Variants in POGZ observed in about 807,000 individuals in gnomAD.
The protein encoded by POGZ is pogo transposable element with ZNF domain.
A neutral mutation model predicts 134.6 loss-of-function variants in POGZ; 17 were observed. The ratio of observed to expected loss-of-function variants is 0.13; its 90% confidence interval spans 0.09 to 0.19. The LOEUF (loss-of-function observed/expected upper bound fraction) is 0.19. Among genes scored for constraint, POGZ ranks in the 10% least tolerant of loss-of-function variants. POGZ has a pLI of 1.00. For synonymous variants in POGZ, 693 were observed against 657.1 expected (o/e 1.05, Z -0.84); for missense variants, 1,306 against 1,769.7 (o/e 0.74, Z 4.70).
intron 1 of POGZ, among the ~76,000 whole-genome samples, chr1:151,446,895 G>T (rs978899689): frequency 1.3e-5 from 2 of 151,356 alleles, no homozygotes; most frequent in African/African-American, 4.9e-5. Context: ...TAATTTTAAT[G>T]ATACAAATTT....
chr1:151,411,863 A>T (rs531967015), intron 11 of POGZ, 92 bp from the exon 12 acceptor site: 14 of 638,940 alleles, frequency 2.2e-5, no homozygotes, highest in South Asian at 2.0e-4. Flanking sequence ...TTTTTAAATT[A>T]AAAAAAAAAA....
In POGZ at chr1:151,404,967, T is replaced by C. The variant is rs150896140; in HGVS notation, c.4068A>G (p.Gln1356=). ...CAGAATGTTCCCCACTCAGCTTCAGTTGCTCCTCTAGGGAGGCAATTAGCT... is the reference window on the plus strand; with the variant it reads ...CAGAATGTTCCCCACTCAGCTTCAGCTGCTCCTCTAGGGAGGCAATTAGCT... ...QEELIASLEE[Q]LKLSGEHSES... is the part of the protein sequence containing the mutation. Residue 1356 remains glutamine (Q), a synonymous_variant, in exon 19 of 19, where the codon CAA becomes CAG. Coordinates refer to ENST00000271715, the MANE Select transcript of POGZ (RefSeq NM_015100.4). 1.5e-5 allele frequency: 25 copies of C among 1,614,072 alleles called. No individual in the cohort carries two copies. In the African/African-American group the frequency reaches 2.7e-4, roughly 17 times the overall value.
Position 151,406,265 on chromosome 1 carries a change from G to T in POGZ, c.2770C>A (p.Pro924Thr). The change falls in exon 19 of 19, where the codon CCG becomes ACG. Residue 924 changes from proline (P) to threonine (T), a missense_variant. Transcript: ENST00000271715. Reference protein sequence around the residue: ...TATPPPTPTHPQALALPPLAT... With the variant: ...TATPPPTPTHTQALALPPLAT... ...AGCGGTGGAAGGGCTAAAGCCTGCGGGTGAGTGGGGGTTGGTGGTGGGGTT... is the reference window on the plus strand; with the variant it reads ...AGCGGTGGAAGGGCTAAAGCCTGCGTGTGAGTGGGGGTTGGTGGTGGGGTT... 6.2e-7 allele frequency: 1 copy of T among 1,613,210 alleles called. No homozygotes were observed. The highest frequency in any genetic ancestry group is 8.5e-7 in the Non-Finnish European group (1 of 1,179,372).
chr1:151,428,078 C>T (rs759348617), intron 6 of POGZ, 37 bp from the exon 7 acceptor site: 3 of 1,613,322 alleles, frequency 1.9e-6, no homozygotes, highest in Non-Finnish European at 2.5e-6. Flanking sequence ...GTTCTCCACC[C>T]ACCATCCCAA....
In POGZ at chr1:151,405,721, A is replaced by C. The variant is rs1248263025; in HGVS notation, c.3314T>G (p.Ile1105Ser). 1 of 1,614,188 alleles carries C rather than the reference A, an allele frequency of 6.2e-7. No homozygotes were observed. The highest frequency in any genetic ancestry group is 1.3e-5 in the African/African-American group (1 of 75,052). ...KDVAENAGLF[I>S]DFVQRQIHNQ... ...GTGAATCTGCCGTTGTACAAAATCAATGAAGAGTCCTGCATTCTCTGCTAC... is the reference window on the plus strand; with the variant it reads ...GTGAATCTGCCGTTGTACAAAATCACTGAAGAGTCCTGCATTCTCTGCTAC... Residue 1105 changes from isoleucine to serine, a missense_variant, in exon 19 of 19, where the codon ATT (isoleucine) becomes AGT (serine). Physicochemically the swap from Ile to Ser is moderately radical, Grantham distance 142. Around this residue, in one of 10 missense-constraint regions of POGZ, gnomAD observed 161 missense variants for 185.4 expected, o/e 0.87. Coordinates refer to ENST00000271715, the MANE Select transcript of POGZ (RefSeq NM_015100.4). This position sits in a 1 kb window ranked among gnomAD's most constrained non-coding sequence, Gnocchi z 4.9.
chr1:151,432,817 TATA>T (rs1297187466), intron 3 of POGZ, among the ~76,000 whole-genome samples: 4 of 152,182 alleles, frequency 2.6e-5, no homozygotes, highest in African/African-American at 7.2e-5. Context: ...TCCTGAACAT[TATA>T]ATAATTATTC....
chr1:151,416,894 A>G (rs912751615), intron 10 of POGZ, among the ~76,000 whole-genome samples: 10 of 152,138 alleles, frequency 6.6e-5, no homozygotes, highest in Non-Finnish European at 1.3e-4. Context: ...GGCCTCCCAA[A>G]GTGCTAGGAT....
intron 3 of POGZ, among the ~76,000 whole-genome samples, chr1:151,435,427 T>G (rs1389640540): frequency 6.6e-6 from 1 of 152,132 alleles, no homozygotes; most frequent in African/African-American, 2.4e-5. Flanking sequence ...TTTAAAATAC[T>G]GAGTAGTAAA....
In POGZ at chr1:151,404,691, TA is replaced by T. The variant is rs1410840151; in HGVS notation, c.*110del. ...TCAGGGGGGAGTGGTGGTATAAAAT[TA>T]AAAAATAGAAACCAAATACCCCACC... On this transcript the variant is annotated 3_prime_UTR_variant, in exon 19 of 19. Transcript: ENST00000271715. The T allele has an allele frequency of 2.3e-5, 33 of 1,429,546 alleles. No individual in the cohort carries two copies. The highest frequency in any genetic ancestry group is 2.9e-5 in the Non-Finnish European group (32 of 1,094,378). 88.6% of individuals were successfully genotyped at this position (1,429,546 alleles called of 1,614,324 possible).
intron 2 of POGZ, among the ~76,000 whole-genome samples, chr1:151,441,651 G>A (rs951194484): frequency 6.6e-6 from 1 of 152,098 alleles, no homozygotes; most frequent in Admixed American, 6.6e-5. Context: ...CATGAAGGCA[G>A]ACACAAGGCA....
intron 15 of POGZ, 151 bp from the exon 16 acceptor site, chr1:151,407,442 A>G (rs1485785688): frequency 6.6e-6 from 4 of 604,638 alleles, no homozygotes; most frequent in African/African-American, 5.6e-5. Flanking sequence ...CATGCTTCTT[A>G]AACTTTAATA....
At chr1:151,413,104 T>C (rs1017590330) in intron 10 of POGZ, among the ~76,000 whole-genome samples, 3 of 20,390 alleles carry the variant, frequency 1.5e-4, no homozygotes, top group African/African-American at 4.9e-4. Flanking sequence ...GTGCCTGGGC[T>C]TTTTTTTTTT....
chr1:151,457,324 T>A (rs995926002), intron 1 of POGZ, among the ~76,000 whole-genome samples: 2 of 152,202 alleles, frequency 1.3e-5, no homozygotes, highest in Non-Finnish European at 1.5e-5. Context: ...AGACCAGTAA[T>A]TCTCAATGTA....
intron 1 of POGZ, among the ~76,000 whole-genome samples, chr1:151,455,867 T>C (rs1232741006): frequency 6.6e-6 from 1 of 150,810 alleles, no homozygotes; most frequent in Non-Finnish European, 1.5e-5. Context: ...TGGTAAATAC[T>C]AAAACTCAAC....
At chr1:151,429,756 C>CAT in intron 4 of POGZ, 45 bp from the exon 5 acceptor site, 1 of 1,126,662 alleles carries the variant, frequency 8.9e-7, no homozygotes, top group Non-Finnish European at 1.3e-6. Flanking sequence ...GACCAATTAA[C>CAT]ACTGACAAAG....
rs1653367823 is a variant in POGZ, at chr1:151,405,276, G to C, written c.3759C>G (p.Val1253=). 1 of 1,614,208 alleles carries C rather than the reference G, an allele frequency of 6.2e-7. No individual in the cohort carries two copies. Among genetic ancestry groups the C allele is most frequent in the East Asian group, 2.2e-5 (1 of 44,888 alleles). ...LSASSTLPAV[V]PAGCSSKIQP... ...GAATTTTGGAGCTACAGCCTGCTGG[G>C]ACCACTGCAGGCAAAGTGCTAGAGG... Residue 1253 remains valine (V), a synonymous_variant, in exon 19 of 19, where the codon GTC becomes GTG. Transcript: ENST00000271715. The surrounding 1 kb of genome is among the most constrained non-coding windows in gnomAD (Gnocchi z 4.9).
Position 151,429,673 on chromosome 1 carries a change from T to A in POGZ, c.498A>T (p.Ala166=). 6.2e-7 allele frequency: 1 copy of A among 1,613,480 alleles called. No individual in the cohort carries two copies. Among genetic ancestry groups the A allele is most frequent in the Non-Finnish European group, 8.5e-7 (1 of 1,179,458 alleles). Residue 166 remains alanine, a synonymous_variant, in exon 5 of 19, where the codon GCA becomes GCT. Transcript: ENST00000271715. ...TCAGCACAATCCCAACCTGATTCAT[T>A]GCATTTTGTACAGGCCGGACATTCC... The part of the protein sequence containing the change: ...PVRNVRPVQN[A]MNQVGIVLNV...
In POGZ at chr1:151,405,132, C is replaced by A; in HGVS notation, c.3903G>T (p.Val1301=). 8.1e-6 allele frequency: 13 copies of A among 1,614,226 alleles called. No homozygotes were observed. The highest frequency in any genetic ancestry group is 1.1e-5 in the Non-Finnish European group (13 of 1,180,024). Residue 1301 remains valine (V), a synonymous_variant, in exon 19 of 19, where the codon GTG becomes GTT. Transcript: ENST00000271715. This position sits in a 1 kb window ranked among gnomAD's most constrained non-coding sequence, Gnocchi z 4.9. Reference sequence around the variant, plus strand: ...CTAGCACTTCACCCAGCCAGACAAGCACCAGCTGAAGCAGGACATCAGAAT... The same window carrying A: ...CTAGCACTTCACCCAGCCAGACAAGAACCAGCTGAAGCAGGACATCAGAAT... ...ACDSDVLLQL[V]LVWLGEVLGV...
intron 10 of POGZ, among the ~76,000 whole-genome samples, chr1:151,422,392 T>C (rs901961428): frequency 6.6e-6 from 1 of 152,228 alleles, no homozygotes; most frequent in African/African-American, 2.4e-5. Context: ...AGAAGTATTC[T>C]CAATACTGGG....
Sources: allele counts gnomAD v4.1 joint callset (sites outside exome capture counted in the v4.1 genomes callset), GRCh38; gene constraint gnomAD v4.1.1; regional missense constraint gnomAD v4.1.1; non-coding constraint Gnocchi (gnomAD v3.1); transcripts MANE v1.5; gene names NCBI Gene and HGNC (gene_info 2026-07-23, HGNC 2026-07-21).